Variants in ST18 observed in about 807,000 individuals in gnomAD.
ST18 encodes the protein ST18 C2H2C-type zinc finger transcription factor.
Under a neutral mutation model 110.0 loss-of-function variants are expected in ST18, and 50 were observed. That is an observed-to-expected ratio of 0.45 (90% confidence interval 0.36 to 0.58). The LOEUF (loss-of-function observed/expected upper bound fraction) is 0.58. ST18 is among the 20% of genes least tolerant of loss of function. ST18 has a pLI of 0.00. For missense variants in ST18, 1,306 were observed against 1,280.1 expected, an observed-to-expected ratio of 1.02 and a Z score of -0.31; for synonymous variants, 461 against 452.4, an observed-to-expected ratio of 1.02 and a Z score of -0.24.
intron 2 of ST18, among the ~76,000 whole-genome samples, chr8:52,379,962 C>T (rs1485170008): frequency 6.6e-6 from 1 of 152,174 alleles, no homozygotes; most frequent in East Asian, 1.9e-4. Context: ...ACGTGAGCAG[C>T]TCCTCTCTCC....
At chr8:52,180,867 CA>C (rs1275347611) in intron 8 of ST18, among the ~76,000 whole-genome samples, 2 of 152,250 alleles carry the variant, frequency 1.3e-5, no homozygotes, top group Admixed American at 6.5e-5. Flanking sequence ...TCATCAAACA[CA>C]AAAAAAGTGG....
chr8:52,303,101 A>G (rs905789435), intron 2 of ST18, among the ~76,000 whole-genome samples: 1 of 152,266 alleles, frequency 6.6e-6, no homozygotes, highest in Non-Finnish European at 1.5e-5. Flanking sequence ...GAAGGGTGCC[A>G]TAACAGATTA....
At chr8:52,405,343 C>T (rs979832992) in intron 2 of ST18, 3 of 152,182 alleles carry the variant, frequency 2.0e-5, no homozygotes, top group Non-Finnish European at 4.4e-5. Context: ...TGGATTTCAG[C>T]TTAAGAAATT....
intron 2 of ST18, chr8:52,404,439 A>G (rs1377256119): frequency 6.6e-6 from 1 of 152,192 alleles, no homozygotes; most frequent in African/African-American, 2.4e-5. Context: ...ACATGTTCAC[A>G]TCACTCCTTC....
chr8:52,396,014 C>A (rs1181989089), intron 2 of ST18, among the ~76,000 whole-genome samples: 1 of 151,850 alleles, frequency 6.6e-6, no homozygotes, highest in East Asian at 1.9e-4. Context: ...ATTTCTAGCT[C>A]TTTTTTTAAA....
chr8:52,120,771 G>A (rs2044411801), intron 23 of ST18, among the ~76,000 whole-genome samples: 1 of 152,192 alleles, frequency 6.6e-6, no homozygotes, highest in Non-Finnish European at 1.5e-5. Flanking sequence ...ATAGATTGGA[G>A]AAGAGACAGA....
At chr8:52,210,197 C>G in intron 8 of ST18, 1 of 455,764 alleles carries the variant, frequency 2.2e-6, no homozygotes, top group Non-Finnish European at 4.4e-6. Context: ...TTAAACTTCT[C>G]TTGACTATTC....
rs1284290631 is a variant in ST18 at position 52,113,177 on chromosome 8, T to C, written c.*21A>G. The C allele has an allele frequency of 1.9e-6, 3 of 1,612,882 alleles. No individual in the cohort carries two copies. The highest frequency in any genetic ancestry group is 2.7e-5 in the African/African-American group (2 of 75,020). The stretch of plus-strand genomic sequence containing the variant: ...AGTTTACTGCTGTTGGTAACTTCTG[T>C]TGCCCGGCAGCGCTGTGATCCTACA... On this transcript the variant is annotated 3_prime_UTR_variant, in exon 26 of 26. Coordinates refer to ENST00000689386, the MANE Select transcript of ST18 (RefSeq NM_001352837.2).
At chr8:52,145,254 GA>G (rs769494772) in intron 16 of ST18, among the ~76,000 whole-genome samples, 7 of 152,044 alleles carry the variant, frequency 4.6e-5, no homozygotes, top group Non-Finnish European at 1.0e-4. Context: ...AATCAATTAT[GA>G]AAGTTTAAGT....
At position 52,171,897 on chromosome 8, in the gene ST18, T is replaced by C. The variant is rs914570757; in HGVS notation, c.964A>G (p.Asn322Asp). ...AACCTATCCAGCTCTTTGTAGGTGT[T>C]ATGGAAAACACAACCTCGCTCAGCC... is the stretch of plus-strand genomic sequence containing the variant. ...LQAERGCVFH[N>D]TYKELDRFLL... Residue 322 changes from asparagine to aspartate, a missense_variant, in exon 10 of 26, where the codon AAC becomes GAC. Transcript: ENST00000689386. 28 of 1,614,226 alleles carry C rather than the reference T, an allele frequency of 1.7e-5. No individual in the cohort carries two copies. The highest frequency in any genetic ancestry group is 2.4e-5 in the Non-Finnish European group (28 of 1,180,042).
At chr8:52,120,179 G>C (rs1421426374) in intron 23 of ST18, among the ~76,000 whole-genome samples, 1 of 152,164 alleles carries the variant, frequency 6.6e-6, no homozygotes, top group African/African-American at 2.4e-5. Flanking sequence ...ACAACTGATG[G>C]GTAAGAGCTG....
chr8:52,372,419 G>GA (rs935581913), intron 2 of ST18, among the ~76,000 whole-genome samples: 12 of 152,110 alleles, frequency 7.9e-5, no homozygotes, highest in African/African-American at 2.9e-4. Flanking sequence ...ACTGAAGAGA[G>GA]AAAAAATTTT....
At chr8:52,309,094 T>A (rs772768754) in intron 2 of ST18, among the ~76,000 whole-genome samples, 13 of 152,118 alleles carry the variant, frequency 8.5e-5, no homozygotes, top group Non-Finnish European at 1.3e-4. Flanking sequence ...AGACCTTATA[T>A]AAGGGTCGGT....
intron 2 of ST18, among the ~76,000 whole-genome samples, chr8:52,273,527 G>A (rs1210306137): frequency 6.6e-6 from 1 of 152,116 alleles, no homozygotes; most frequent in African/African-American, 2.4e-5. Flanking sequence ...CCACATCTAA[G>A]AGTTACAGTC....
chr8:52,386,237 C>A (rs900708035), intron 2 of ST18, among the ~76,000 whole-genome samples: 2 of 152,024 alleles, frequency 1.3e-5, no homozygotes, highest in African/African-American at 2.4e-5. Context: ...TTATATTATA[C>A]AATTTTAAAG....
intron 2 of ST18, among the ~76,000 whole-genome samples, chr8:52,335,082 A>G (rs1404831434): frequency 6.6e-6 from 1 of 152,180 alleles, no homozygotes; most frequent in East Asian, 1.9e-4. Flanking sequence ...TATTTCTAGA[A>G]TTTTACCTTA....
chr8:52,321,980 C>T lies in ST18; in HGVS notation c.-465+87348G>A, dbSNP rs565996699. 3.3e-5 allele frequency among the ~76,000 whole-genome samples: 5 copies of T among 152,302 alleles called. No homozygotes were observed. The East Asian group carries it at 7.7e-4, about 24-fold the overall frequency. ...CATATTTTTAAGTTATTAAACTAGA[C>T]CATTGCTTTTGTTCCCAGCATCCTG... On this transcript the variant is annotated intron_variant, in intron 2 of 25. Coordinates refer to ENST00000689386, the MANE Select transcript of ST18 (RefSeq NM_001352837.2).
Position 52,388,973 on chromosome 8 carries a change from T to A in ST18, c.-465+20355A>T, listed in dbSNP as rs566580362. On this transcript the variant is annotated intron_variant, in intron 2 of 25. Transcript: ENST00000689386. ...TAAAACTTAAAGTATAATAATAATT[T>A]AAAAAAAAAAAAAAGAACAAGCAAT... Among the ~76,000 whole-genome samples, 778 of 142,700 alleles carry A rather than the reference T, an allele frequency of 5.5e-3. 5 individuals are homozygous for A. The highest frequency in any genetic ancestry group is 0.016 in the African/African-American group (636 of 39,026). 93.6% of individuals were successfully genotyped at this position (142,700 alleles called of 152,430 possible).
intron 2 of ST18, among the ~76,000 whole-genome samples, chr8:52,319,448 T>C (rs1802912520): frequency 6.6e-6 from 1 of 152,210 alleles, no homozygotes; most frequent in Admixed American, 6.5e-5. Flanking sequence ...CTTCTTTCCA[T>C]ATTCCAGACC....
Sources: allele counts gnomAD v4.1 joint callset (sites outside exome capture counted in the v4.1 genomes callset), GRCh38; gene constraint gnomAD v4.1.1; transcripts MANE v1.5; gene names NCBI Gene and HGNC (gene_info 2026-07-23, HGNC 2026-07-21).